Variants in MMS22L observed in about 807,000 individuals in gnomAD.
MMS22L encodes MMS22 like, DNA repair protein.
MMS22L carries 74 observed loss-of-function variants against 159.1 expected under a neutral mutation model. That is an observed-to-expected ratio of 0.47 (90% CI 0.39 to 0.56). The LOEUF (loss-of-function observed/expected upper bound fraction) is 0.56, where lower values mean the gene tolerates loss of function less well. MMS22L is among the 20% of genes least tolerant of loss of function. MMS22L has a pLI of 0.00. For missense variants in MMS22L, 1,351 were observed against 1,422.1 expected, an observed-to-expected ratio of 0.95 and a Z score of 0.80; for synonymous variants, 517 against 506.9, an observed-to-expected ratio of 1.02 and a Z score of -0.27.
At chr6:97,165,559 A>G in intron 20 of MMS22L, 102 bp from the exon 21 acceptor site, 1 of 949,700 alleles carries the variant, frequency 1.1e-6, no homozygotes, top group Non-Finnish European at 1.5e-6. Flanking sequence ...TAATCATGTG[A>G]GAATATAAAA....
At chr6:97,171,490 A>G (rs1245521469) in intron 19 of MMS22L, among the ~76,000 whole-genome samples, 3 of 152,190 alleles carry the variant, frequency 2.0e-5, no homozygotes, top group Admixed American at 2.0e-4. Context: ...AGCTTTATAC[A>G]TGGAAACAGA....
intron 23 of MMS22L, among the ~76,000 whole-genome samples, chr6:97,150,453 T>C (rs1432705581): frequency 6.6e-6 from 1 of 152,144 alleles, no homozygotes; most frequent in Non-Finnish European, 1.5e-5. Flanking sequence ...AAGCAAGTTA[T>C]TCCTAATATA....
intron 14 of MMS22L, among the ~76,000 whole-genome samples, chr6:97,212,654 C>G (rs901819537): frequency 6.6e-6 from 1 of 152,112 alleles, no homozygotes; most frequent in Admixed American, 6.5e-5. Flanking sequence ...AAAGAAGTGA[C>G]AAGACTTGTT....
At chr6:97,223,622 A>G (rs961518824) in intron 14 of MMS22L, among the ~76,000 whole-genome samples, 1 of 152,142 alleles carries the variant, frequency 6.6e-6, no homozygotes, top group African/African-American at 2.4e-5. Context: ...CCATAACTGA[A>G]TACCTAAATA....
At chr6:97,154,014 C>G (rs1314222841) in intron 22 of MMS22L, among the ~76,000 whole-genome samples, 1 of 152,008 alleles carries the variant, frequency 6.6e-6, no homozygotes, top group Non-Finnish European at 1.5e-5. Context: ...ACAGTAACTC[C>G]ATATTTAACC....
intron 22 of MMS22L, among the ~76,000 whole-genome samples, chr6:97,161,331 T>C (rs191685901): frequency 6.6e-6 from 1 of 152,144 alleles, no homozygotes; most frequent in East Asian, 1.9e-4. Flanking sequence ...GCTCCACTAA[T>C]TAATTTCTGG....
chr6:97,278,200 T>G (rs2128100810), intron 4 of MMS22L, among the ~76,000 whole-genome samples: 1 of 152,208 alleles, frequency 6.6e-6, no homozygotes, highest in Non-Finnish European at 1.5e-5. Flanking sequence ...GTCAGGAGTT[T>G]GCGATCAGCC....
At chr6:97,235,839 C>T (rs550775646) in intron 11 of MMS22L, among the ~76,000 whole-genome samples, 7 of 152,210 alleles carry the variant, frequency 4.6e-5, no homozygotes, top group African/African-American at 1.7e-4. Context: ...AAGGAATTAG[C>T]TCTTGATAGA....
At chr6:97,157,116 C>G (rs199719156) in intron 22 of MMS22L, among the ~76,000 whole-genome samples, 2 of 143,764 alleles carry the variant, frequency 1.4e-5, no homozygotes, top group East Asian at 3.2e-4. Context: ...TGATTTGTCT[C>G]TCTGTCTGTT....
chr6:97,149,825 C>G, intron 24 of MMS22L, 28 bp downstream of exon 24: 1 of 1,549,136 alleles, frequency 6.5e-7, no homozygotes, highest in East Asian at 2.3e-5. Flanking sequence ...CACTGCCCCC[C>G]CCAATGTAAT....
intron 14 of MMS22L, among the ~76,000 whole-genome samples, chr6:97,199,850 T>C (rs1261288707): frequency 6.6e-6 from 1 of 152,116 alleles, no homozygotes; most frequent in Non-Finnish European, 1.5e-5. Context: ...GTGCTAAACC[T>C]GCAGTACATA....
At chr6:97,220,860 A>G (rs376576248) in intron 14 of MMS22L, among the ~76,000 whole-genome samples, 1 of 151,934 alleles carries the variant, frequency 6.6e-6, no homozygotes, top group East Asian at 1.9e-4. Context: ...ATTACACACT[A>G]AAACAACAAC....
chr6:97,272,942 T>G, intron 5 of MMS22L, 33 bp downstream of exon 5: 3 of 1,607,066 alleles, frequency 1.9e-6, no homozygotes, highest in Non-Finnish European at 2.5e-6. Flanking sequence ...CAGAAATTCA[T>G]GCAGTGATCA....
intron 14 of MMS22L, among the ~76,000 whole-genome samples, chr6:97,188,892 G>T (rs1205398049): frequency 1.3e-5 from 2 of 152,072 alleles, no homozygotes; most frequent in African/African-American, 4.8e-5. Context: ...AACCCAGGAG[G>T]TGGAGGTTGC....
chr6:97,271,059 T>C (rs1377551337), intron 6 of MMS22L: 3 of 152,026 alleles, frequency 2.0e-5, no homozygotes, highest in East Asian at 1.9e-4. Flanking sequence ...ACAACTAATA[T>C]ATACCTAGAG....
Position 97,149,853 on chromosome 6 carries a change from C to A in MMS22L, c.3650G>T (p.Arg1217Met). 6.2e-7 allele frequency: 1 copy of A among 1,602,454 alleles called. No individual in the cohort carries two copies. The highest frequency in any genetic ancestry group is 1.1e-5 in the South Asian group (1 of 88,962). Reference sequence around the variant, plus strand: ...AATGTAATTAAATTATCAAACATACCTTTGTGCTATATTCCTGCCAAGGCC... The same window carrying A: ...AATGTAATTAAATTATCAAACATACATTTGTGCTATATTCCTGCCAAGGCC... ...KWGLGRNIAQ[R>M]EAYSKLLSHL... is the part of the protein sequence containing the mutation. Residue 1217 changes from arginine to methionine, a missense_variant and splice_region_variant, in exon 24 of 25, where the codon AGG becomes ATG. Coordinates refer to ENST00000683635, the MANE Select transcript of MMS22L (RefSeq NM_001350599.2).
At chr6:97,154,632 T>C (rs760409229) in intron 22 of MMS22L, among the ~76,000 whole-genome samples, 1 of 152,184 alleles carries the variant, frequency 6.6e-6, no homozygotes, top group Non-Finnish European at 1.5e-5. Flanking sequence ...TCGTATGTGG[T>C]AGGAAACAAG....
chr6:97,180,177 C>T (rs1054908742), intron 16 of MMS22L, among the ~76,000 whole-genome samples: 6 of 152,110 alleles, frequency 3.9e-5, no homozygotes, highest in Admixed American at 3.9e-4. Context: ...TCTTGGCTCA[C>T]TGCAAGCTCT....
At chr6:97,255,830 G>C (rs928155554) in intron 9 of MMS22L, among the ~76,000 whole-genome samples, 5 of 152,034 alleles carry the variant, frequency 3.3e-5, no homozygotes, top group African/African-American at 1.2e-4. Context: ...TTAGCCACAT[G>C]CAAATTTAAA....
Sources: gnomAD v4.1 joint callset for allele counts (sites outside exome capture counted in the v4.1 genomes callset) on GRCh38, gnomAD v4.1.1 for gene constraint, MANE v1.5 for transcripts, NCBI Gene and HGNC (gene_info 2026-07-23, HGNC 2026-07-21) for gene names.